The following PRSS48 variants were observed in gnomAD, a reference collection of about 807,000 sequenced individuals.
The protein encoded by PRSS48 is epidermis-specific serine protease-like protein.
A neutral mutation model predicts 25.6 loss-of-function variants in PRSS48; 21 were observed. The observed-to-expected ratio is 0.82, with a 90% CI of 0.58 to 1.18. PRSS48 has a LOEUF of 1.18. Ranked by LOEUF, PRSS48 falls within the 50% of genes most tolerant of loss-of-function variation. PRSS48 has a pLI of 0.00. For missense variants in PRSS48, 373 were observed against 399.3 expected (o/e 0.93, Z 0.56); for synonymous variants, 150 against 149.3 (o/e 1.00, Z -0.04).
Position 151,282,213 on chromosome 4 carries a change from G to A in PRSS48, c.281G>A (p.Arg94His), listed in dbSNP as rs746264104. ...ATTACAGTAGGTGACTCAAGGAAAC[G>A]TGTGAAGTACTACGTGTCCAAAATC... Residue 94 changes from arginine to histidine, a missense_variant, in exon 3 of 5, where the codon CGT becomes CAT. Coordinates refer to ENST00000455694, the Ensembl canonical transcript of PRSS48. 27 of 1,613,760 alleles carry A rather than the reference G, an allele frequency of 1.7e-5. No homozygotes were observed. In the African/African-American group the frequency reaches 2.3e-4, roughly 14 times the overall value.
chr4:151,277,331 A>G (rs1206906912), intron 1 of PRSS48, 107 bp downstream of exon 1: 1 of 865,750 alleles, frequency 1.2e-6, no homozygotes, highest in African/African-American at 1.7e-5. Context: ...AGTTATGAGT[A>G]GCACAGCCTG....
intron 1 of PRSS48, 43 bp from the exon 2 acceptor site, chr4:151,279,753 G>A: frequency 6.3e-7 from 1 of 1,587,630 alleles, no homozygotes; most frequent in Non-Finnish European, 8.6e-7. Flanking sequence ...CAGAGAAACA[G>A]GACTCCTAGG....
intron 4 of PRSS48, among the ~76,000 whole-genome samples, chr4:151,287,749 A>G (rs1353808081): frequency 6.6e-6 from 1 of 152,180 alleles, no homozygotes; most frequent in African/African-American, 2.4e-5. Flanking sequence ...TTTAAATATT[A>G]GCCACCTGTA....
chr4:151,285,184 T>C (rs1466650897), intron 4 of PRSS48, among the ~76,000 whole-genome samples: 1 of 152,178 alleles, frequency 6.6e-6, no homozygotes, highest in Non-Finnish European at 1.5e-5. Context: ...CTTCAGAGAG[T>C]AGCCTTTTAT....
At chr4:151,283,221 G>A (rs773261574) in exon 4 of PRSS48, 19 of 1,613,702 alleles carry the variant, frequency 1.2e-5, no homozygotes, top group Non-Finnish European at 1.5e-5. Flanking sequence ...GCCAGCACTG[G>A]AGCCAGTCAT....
At chr4:151,280,137 A>T (rs1212637119) in intron 2 of PRSS48, among the ~76,000 whole-genome samples, 179 bp downstream of exon 2, 1 of 152,280 alleles carries the variant, frequency 6.6e-6, no homozygotes, top group Non-Finnish European at 1.5e-5. Context: ...TAGAAAAAGG[A>T]AAGTTGGAGA....
Position 151,288,156 on chromosome 4 carries a change from A to C in PRSS48, c.652-2962A>C, listed in dbSNP as rs528117393. On this transcript the variant is annotated intron_variant, in intron 4 of 4. Transcript: ENST00000455694. The stretch of plus-strand genomic sequence containing the variant: ...CTCGATCAAGTGCAACTACAAAAAA[A>C]CCCACAGCTAAAATACTTCGTGGTA... 1.2e-4 allele frequency among the ~76,000 whole-genome samples: 18 copies of C among 152,266 alleles called. No individual in the cohort carries two copies. In the South Asian group the frequency reaches 3.7e-3, roughly 32 times the overall value.
chr4:151,277,859 G>A (rs1019350795), intron 1 of PRSS48, among the ~76,000 whole-genome samples: 3 of 152,132 alleles, frequency 2.0e-5, no homozygotes, highest in Non-Finnish European at 4.4e-5. Flanking sequence ...TGGGCAACAT[G>A]GTGAAACCCC....
At chr4:151,277,710 T>C (rs967830623) in intron 1 of PRSS48, among the ~76,000 whole-genome samples, 1 of 152,098 alleles carries the variant, frequency 6.6e-6, no homozygotes, top group Non-Finnish European at 1.5e-5. Context: ...AGGTATATGC[T>C]TGTTCATTTA....
chr4:151,291,291 T>C, exon 5 of PRSS48: 1 of 1,614,040 alleles, frequency 6.2e-7, no homozygotes, highest in South Asian at 1.1e-5. Context: ...TAGACTTCTC[T>C]GACTTCTTGT....
At chr4:151,285,294 C>A (rs969784482) in intron 4 of PRSS48, among the ~76,000 whole-genome samples, 2 of 152,064 alleles carry the variant, frequency 1.3e-5, no homozygotes, top group African/African-American at 2.4e-5. Context: ...CTAAGAAGAG[C>A]GGAATATACT....
Position 151,282,072 on chromosome 4 carries a change from A to T in PRSS48, c.216-76A>T, listed in dbSNP as rs949619691. 4.7e-6 allele frequency: 7 copies of T among 1,482,278 alleles called. No homozygotes were observed. In the African/African-American group the frequency reaches 9.7e-5, roughly 21 times the overall value. 91.8% of individuals were successfully genotyped at this position (1,482,278 alleles called of 1,614,324 possible). The stretch of plus-strand genomic sequence containing the variant: ...GGCTACCCTCCTTTCTTGAGTAGAG[A>T]CTTAGTGCTACATATAGGCAGCCTG... On this transcript the variant is annotated intron_variant, in intron 2 of 4. Coordinates refer to ENST00000455694, the Ensembl canonical transcript of PRSS48.
At chr4:151,281,221 A>T (rs1012564144) in intron 2 of PRSS48, among the ~76,000 whole-genome samples, 1 of 152,174 alleles carries the variant, frequency 6.6e-6, no homozygotes, top group Admixed American at 6.5e-5. Flanking sequence ...GGAGATTTAC[A>T]CTTCTGGTGG....
intron 4 of PRSS48, among the ~76,000 whole-genome samples, chr4:151,287,580 G>A (rs893521759): frequency 6.6e-6 from 1 of 152,106 alleles, no homozygotes; most frequent in African/African-American, 2.4e-5. Flanking sequence ...AATCCAAACT[G>A]GGGGTAATTA....
At chr4:151,277,215 G>T in exon 1 of PRSS48, 1 of 1,501,106 alleles carries the variant, frequency 6.7e-7, no homozygotes, top group Non-Finnish European at 9.0e-7. Flanking sequence ...CCTTCTGCTG[G>T]GGATCTCAGG....
At chr4:151,285,275 G>A (rs1217572964) in intron 4 of PRSS48, among the ~76,000 whole-genome samples, 2 of 152,108 alleles carry the variant, frequency 1.3e-5, no homozygotes. Context: ...TTTAAAAACA[G>A]AAAGAGTCCT....
chr4:151,289,632 C>G (rs181495031), intron 4 of PRSS48, among the ~76,000 whole-genome samples: 2 of 152,126 alleles, frequency 1.3e-5, no homozygotes. Flanking sequence ...GAAATTGGAG[C>G]CTTCTAACAC....
intron 1 of PRSS48, among the ~76,000 whole-genome samples, 182 bp downstream of exon 1, chr4:151,277,406 T>C (rs113949758): frequency 2.7e-4 from 41 of 152,096 alleles, no homozygotes; most frequent in Middle Eastern, 3.4e-3. Flanking sequence ...GAAATAGCAG[T>C]ACACACACAC....
chr4:151,289,784 A>T (rs1775148245), intron 4 of PRSS48, among the ~76,000 whole-genome samples: 1 of 152,192 alleles, frequency 6.6e-6, no homozygotes, highest in South Asian at 2.1e-4. Flanking sequence ...TGTCCATACA[A>T]AAACTTGCAC....
Sources: gnomAD v4.1 joint callset for allele counts (sites outside exome capture counted in the v4.1 genomes callset) on GRCh38, gnomAD v4.1.1 for gene constraint, MANE v1.5 for transcripts, NCBI Gene and HGNC (gene_info 2026-07-23, HGNC 2026-07-21) for gene names.